UTRN: variants seen among roughly 807,000 people sequenced by gnomAD.
The protein encoded by UTRN is utrophin, also known as dystrophin-related protein 1.
A neutral mutation model predicts 463.9 loss-of-function variants in UTRN; 283 were observed. The observed-to-expected ratio is 0.61, with a 90% CI of 0.55 to 0.67. UTRN has a LOEUF of 0.67. Among genes scored for constraint, UTRN ranks in the 30% least tolerant of loss-of-function variants. UTRN has a pLI of 0.00. For synonymous variants in UTRN, 1,442 were observed against 1,431.5 expected, an observed-to-expected ratio of 1.01 and a Z score of -0.17; for missense variants, 3,922 against 4,084.3, an observed-to-expected ratio of 0.96 and a Z score of 1.08.
chr6:144,671,996 C>T (rs987905680), intron 51 of UTRN, among the ~76,000 whole-genome samples: 3 of 152,086 alleles, frequency 2.0e-5, no homozygotes, highest in Non-Finnish European at 4.4e-5. Flanking sequence ...CCCTGCATCC[C>T]TGGTATGAAA....
intron 19 of UTRN, among the ~76,000 whole-genome samples, chr6:144,458,081 A>G (rs1339640263): frequency 6.6e-6 from 1 of 152,220 alleles, no homozygotes; most frequent in Non-Finnish European, 1.5e-5. Context: ...TATCGGACAA[A>G]TAAAATGATA....
chr6:144,745,043 TG>T (rs1430926282), intron 54 of UTRN, among the ~76,000 whole-genome samples: 2 of 152,130 alleles, frequency 1.3e-5, no homozygotes, highest in Admixed American at 1.3e-4. Context: ...CACTACCTTT[TG>T]GGGGAGGGTT....
chr6:144,645,666 G>A (rs1256366533), intron 51 of UTRN, among the ~76,000 whole-genome samples: 1 of 152,192 alleles, frequency 6.6e-6, no homozygotes, highest in East Asian at 1.9e-4. Flanking sequence ...CACCCTTAAA[G>A]GTGATGATCA....
chr6:144,837,913 G>A (rs1562969284), intron 71 of UTRN, among the ~76,000 whole-genome samples: 1 of 152,190 alleles, frequency 6.6e-6, no homozygotes, highest in Non-Finnish European at 1.5e-5. Context: ...AGTGACCCAA[G>A]ACGTGGGTTT....
intron 2 of UTRN, among the ~76,000 whole-genome samples, chr6:144,388,767 G>T (rs1240225218): frequency 6.6e-6 from 1 of 152,138 alleles, no homozygotes; most frequent in African/African-American, 2.4e-5. Context: ...CTCCCAAAGT[G>T]CTGGGATTAC....
At chr6:144,605,497 GT>G (rs1804746566) in intron 51 of UTRN, among the ~76,000 whole-genome samples, 1 of 151,372 alleles carries the variant, frequency 6.6e-6, no homozygotes, top group Non-Finnish European at 1.5e-5. Context: ...TTATTTCATT[GT>G]GACCGAATAA....
intron 51 of UTRN, among the ~76,000 whole-genome samples, chr6:144,641,927 G>A (rs191647961): frequency 6.1e-4 from 93 of 152,258 alleles, no homozygotes; most frequent in African/African-American, 1.8e-3. Context: ...ACATGAATAT[G>A]AAATTAGCAA....
rs199913130 is a variant in UTRN, at chr6:144,474,776, T to C, written c.3336+17T>C. ...AGCAAGGAGGTGAGTTTTTCAACTT[T>C]ACTACCTACGGTTTTCAGGAGATGT... is the stretch of plus-strand genomic sequence containing the variant. On this transcript the variant is annotated intron_variant, in intron 25 of 74. Transcript: ENST00000367545. 2.7e-4 allele frequency: 434 copies of C among 1,610,264 alleles called. No homozygotes were observed. Among genetic ancestry groups the C allele is most frequent in the Middle Eastern group, 2.3e-3 (14 of 6,038 alleles).
At chr6:144,804,944 A>G (rs985925182) in intron 65 of UTRN, among the ~76,000 whole-genome samples, 3 of 152,158 alleles carry the variant, frequency 2.0e-5, no homozygotes, top group Admixed American at 2.0e-4. Context: ...TTTGTTTTTC[A>G]GGCAGACGCT....
chr6:144,811,942 C>T (rs923501884), intron 65 of UTRN, among the ~76,000 whole-genome samples: 8 of 152,082 alleles, frequency 5.3e-5, no homozygotes, highest in Non-Finnish European at 7.4e-5. Flanking sequence ...TGTTTGCGTG[C>T]CAAGTGACTT....
At chr6:144,497,005 C>A (rs964936713) in intron 33 of UTRN, among the ~76,000 whole-genome samples, 4 of 152,190 alleles carry the variant, frequency 2.6e-5, no homozygotes, top group Non-Finnish European at 5.9e-5. Context: ...TAGGATTAGA[C>A]AAAATCCTGC....
At chr6:144,840,695 C>T in intron 72 of UTRN, 45 bp from the exon 73 acceptor site, 5 of 1,604,702 alleles carry the variant, frequency 3.1e-6, no homozygotes, top group Non-Finnish European at 4.3e-6. Flanking sequence ...GAAGGCTAGA[C>T]ATTAATTTGA....
At chr6:144,714,363 C>T (rs1786139287) in intron 53 of UTRN, among the ~76,000 whole-genome samples, 1 of 152,086 alleles carries the variant, frequency 6.6e-6, no homozygotes, top group Non-Finnish European at 1.5e-5. Context: ...TTTTTTTCTG[C>T]TTATATTCTC....
At chr6:144,599,452 A>G (rs1395956312) in intron 51 of UTRN, among the ~76,000 whole-genome samples, 2 of 152,176 alleles carry the variant, frequency 1.3e-5, no homozygotes, top group Non-Finnish European at 1.5e-5. Flanking sequence ...TATGTCAACT[A>G]TGCTGAAACT....
At chr6:144,550,935 C>A in intron 47 of UTRN, 30 bp from the exon 48 acceptor site, 1 of 1,550,840 alleles carries the variant, frequency 6.4e-7, no homozygotes, top group South Asian at 1.2e-5. Context: ...GGCTTATTAA[C>A]CTATCCGAAT....
intron 51 of UTRN, among the ~76,000 whole-genome samples, chr6:144,589,721 A>G (rs575647572): frequency 3.9e-5 from 6 of 152,222 alleles, no homozygotes; most frequent in Non-Finnish European, 8.8e-5. Context: ...CTGGAGCATG[A>G]GAACATTCCA....
intron 2 of UTRN, among the ~76,000 whole-genome samples, chr6:144,391,862 G>T (rs555026544): frequency 1.7e-4 from 26 of 152,248 alleles, no homozygotes; most frequent in African/African-American, 5.8e-4. Flanking sequence ...TGATGGTCTC[G>T]ATCTCCTGAC....
At chr6:144,326,210 C>G (rs925616822) in intron 2 of UTRN, among the ~76,000 whole-genome samples, 3 of 151,718 alleles carry the variant, frequency 2.0e-5, no homozygotes, top group African/African-American at 7.3e-5. Context: ...CTGTAGAAAT[C>G]ATTTTATTAA....
chr6:144,400,952 A>G (rs978152285), intron 2 of UTRN, among the ~76,000 whole-genome samples: 27 of 152,354 alleles, frequency 1.8e-4, no homozygotes, highest in Admixed American at 1.7e-3. Context: ...TATCATTGAT[A>G]GGGTAATAGT....
Sources: gnomAD v4.1 joint callset for allele counts (sites outside exome capture counted in the v4.1 genomes callset) on GRCh38, gnomAD v4.1.1 for gene constraint, MANE v1.5 for transcripts, NCBI Gene and HGNC (gene_info 2026-07-23, HGNC 2026-07-21) for gene names.